The following LAMA2 variants were observed in gnomAD, a reference collection of about 807,000 sequenced individuals.
LAMA2 encodes laminin subunit alpha 2.
In LAMA2, 269 loss-of-function variants were observed where a neutral mutation model predicts 364.8. The ratio of observed to expected loss-of-function variants is 0.74; its 90% CI spans 0.67 to 0.82. The LOEUF (loss-of-function observed/expected upper bound fraction) is 0.82, where lower values mean the gene tolerates loss of function less well. Ranked by LOEUF, LAMA2 falls within the 40% of genes least tolerant of loss-of-function variation. The pLI is 0.00. For synonymous variants in LAMA2, 1,379 were observed against 1,370.6 expected (o/e 1.01, Z -0.14); for missense variants, 3,807 against 3,873.2 (o/e 0.98, Z 0.45).
At position 129,267,146 on chromosome 6, in the gene LAMA2, T is replaced by G. The variant is rs960701303; in HGVS notation, c.2249T>G (p.Phe750Cys). ...PRHRRVNGTI[F>C]GGICEPCQCF... ...CACAGGCGAGTTAACGGCACTATTT[T>G]TGGTGGCATCTGTGAGCCATGTCAG... The change falls in exon 16 of 65, where the codon TTT becomes TGT. Residue 750 changes from phenylalanine to cysteine, a missense_variant. Phe to Cys is a radical substitution (Grantham distance 205). This residue lies in a region of LAMA2 where 3,333 missense variants were observed against 3,345.7 expected (regional missense o/e 1.00). Transcript: ENST00000421865. 2.5e-6 allele frequency: 4 copies of G among 1,613,308 alleles called. No homozygotes were observed. The African/African-American group carries it at 4.0e-5, about 16-fold the overall frequency.
chr6:128,998,140 C>G (rs1044220280), intron 1 of LAMA2, among the ~76,000 whole-genome samples: 1 of 152,016 alleles, frequency 6.6e-6, no homozygotes, highest in African/African-American at 2.4e-5. Context: ...AGGTAAAGAG[C>G]CTGGGCACAG....
intron 28 of LAMA2, among the ~76,000 whole-genome samples, chr6:129,326,095 C>T (rs1404988502): frequency 6.6e-6 from 1 of 152,212 alleles, no homozygotes. Flanking sequence ...CCACCTCAGC[C>T]TCCCAAAATG....
chr6:129,071,006 A>G (rs1562211705), intron 3 of LAMA2, among the ~76,000 whole-genome samples: 1 of 152,200 alleles, frequency 6.6e-6, no homozygotes, highest in Non-Finnish European at 1.5e-5. Context: ...CTCCCCTAAT[A>G]GTAACCAGTA....
Position 129,286,501 on chromosome 6 carries a change from G to T in LAMA2, c.2538-1346G>T, listed in dbSNP as rs539495962. 1.4e-4 allele frequency among the ~76,000 whole-genome samples: 19 copies of T among 137,506 alleles called. No individual in the cohort carries two copies. The East Asian group carries it at 2.9e-3, about 21-fold the overall frequency. 90.2% of individuals were successfully genotyped at this position (137,506 alleles called of 152,430 possible). On this transcript the variant is annotated intron_variant, in intron 18 of 64. Coordinates refer to ENST00000421865, the MANE Select transcript of LAMA2 (RefSeq NM_000426.4). ...GCTATCGTTTTTAAAAATCTTCTTT[G>T]CCATGCCCTATAAACAAACTTTTGT... is the stretch of plus-strand genomic sequence containing the variant.
chr6:129,191,299 A>G (rs1425101259), intron 11 of LAMA2, among the ~76,000 whole-genome samples: 2 of 152,210 alleles, frequency 1.3e-5, no homozygotes, highest in Admixed American at 6.5e-5. Flanking sequence ...TCCTGAACAG[A>G]GCTATAAAAT....
intron 40 of LAMA2, among the ~76,000 whole-genome samples, chr6:129,417,689 C>T (rs1780870842): frequency 6.6e-6 from 1 of 152,110 alleles, no homozygotes; most frequent in African/African-American, 2.4e-5. Flanking sequence ...CCTAGGGTCA[C>T]CTTCAGGCCC....
chr6:129,032,369 A>G (rs994959749), intron 1 of LAMA2, among the ~76,000 whole-genome samples: 3 of 152,226 alleles, frequency 2.0e-5, no homozygotes, highest in Non-Finnish European at 4.4e-5. Flanking sequence ...AAGCATTAGG[A>G]AAGCCCTCAT....
chr6:129,456,683 T>C (rs1156412964), intron 48 of LAMA2, among the ~76,000 whole-genome samples, 189 bp downstream of exon 48: 1 of 152,186 alleles, frequency 6.6e-6, no homozygotes, highest in African/African-American at 2.4e-5. Flanking sequence ...AAACACAATA[T>C]TTTTAAGCCT....
chr6:128,911,732 T>C (rs1400841448), intron 1 of LAMA2, among the ~76,000 whole-genome samples: 2 of 152,188 alleles, frequency 1.3e-5, no homozygotes, highest in East Asian at 1.9e-4. Flanking sequence ...TTGACAAATA[T>C]ATATATACCC....
chr6:128,974,952 C>T (rs989228179), intron 1 of LAMA2, among the ~76,000 whole-genome samples: 10 of 151,392 alleles, frequency 6.6e-5, no homozygotes, highest in South Asian at 2.1e-4. Context: ...CACGGGTTCA[C>T]GCCATTCTCC....
At chr6:129,212,549 C>T (rs186513878) in intron 12 of LAMA2, among the ~76,000 whole-genome samples, 1 of 152,032 alleles carries the variant, frequency 6.6e-6, no homozygotes, top group Non-Finnish European at 1.5e-5. Context: ...CTCCAGAGAC[C>T]AGGCAGACAC....
Position 129,481,118 on chromosome 6 carries a change from T to G in LAMA2, c.7573-145T>G. On this transcript the variant is annotated intron_variant, in intron 54 of 64. Coordinates refer to ENST00000421865, the MANE Select transcript of LAMA2 (RefSeq NM_000426.4). ...AGAAATAATATTTCTTCAACTGCTC[T>G]TAAACTTTCCATGTTTTCCTGCTTT... is the stretch of plus-strand genomic sequence containing the variant. 1.3e-5 allele frequency: 9 copies of G among 694,702 alleles called. No individual in the cohort carries two copies. In the South Asian group the frequency reaches 1.5e-4, roughly 12 times the overall value. The allele number at this position is 694,702 out of a possible 1,614,324, so 43.0% of individuals were successfully genotyped here.
chr6:129,363,243 G>A (rs889872891), intron 32 of LAMA2, among the ~76,000 whole-genome samples: 98 of 152,126 alleles, frequency 6.4e-4, no homozygotes, highest in African/African-American at 2.2e-3. Flanking sequence ...GTTTGAGGCC[G>A]CAGTGAGTCA....
chr6:129,353,350 G>A lies in LAMA2; in HGVS notation c.4710G>A (p.Glu1570=). ...CKHWHAREGW[E]CVFCGDECTG... ...ACTGGCATGCACGCGAGGGCTGGGA[G>A]TGTGTTTGTACGTATACTAACTTTG... Residue 1570 remains glutamate (E), a synonymous_variant, in exon 32 of 65, where the codon GAG becomes GAA. Transcript: ENST00000421865. 1.9e-6 allele frequency: 3 copies of A among 1,613,556 alleles called. No homozygotes were observed. Among genetic ancestry groups the A allele is most frequent in the Non-Finnish European group, 2.5e-6 (3 of 1,179,712 alleles).
At chr6:129,208,923 G>A (rs1782903239) in intron 12 of LAMA2, among the ~76,000 whole-genome samples, 1 of 152,192 alleles carries the variant, frequency 6.6e-6, no homozygotes, top group African/African-American at 2.4e-5. Flanking sequence ...AGATGATCTG[G>A]TAGGACAGTA....
intron 20 of LAMA2, among the ~76,000 whole-genome samples, chr6:129,295,293 G>GAATTGTGCTT (rs1773096920): frequency 1.4e-5 from 1 of 72,296 alleles, no homozygotes; most frequent in Admixed American, 1.5e-4. Context: ...GTTTAGAATT[G>GAATTGTGCTT]TGCTTTGCAA....
chr6:129,473,175 T>C, intron 51 of LAMA2, 39 bp from the exon 52 acceptor site: 1 of 1,501,954 alleles, frequency 6.7e-7, no homozygotes, highest in South Asian at 1.1e-5. Context: ...TGGTTGATAT[T>C]GCTCAAATAA....
intron 2 of LAMA2, among the ~76,000 whole-genome samples, chr6:129,052,133 T>A (rs920001349): frequency 2.1e-5 from 3 of 141,594 alleles, no homozygotes; most frequent in Non-Finnish European, 4.6e-5. Context: ...GTATTTCTTC[T>A]CCTTTTTTTT....
At chr6:129,200,077 C>CAA (rs1476642534) in intron 12 of LAMA2, among the ~76,000 whole-genome samples, 1 of 143,254 alleles carries the variant, frequency 7.0e-6, no homozygotes, top group African/African-American at 2.6e-5. Context: ...AGACCCTCTC[C>CAA]AAAAATATAT....
Sources: gnomAD v4.1 joint callset for allele counts (sites outside exome capture counted in the v4.1 genomes callset) on GRCh38, gnomAD v4.1.1 for gene constraint, gnomAD v4.1.1 regional missense constraint, MANE v1.5 for transcripts, NCBI Gene and HGNC (gene_info 2026-07-23, HGNC 2026-07-21) for gene names.